Variants in OPHN1 observed in about 807,000 individuals in gnomAD.
OPHN1 encodes the protein oligophrenin-1.
OPHN1 carries 11 observed loss-of-function variants against 60.7 expected under a neutral mutation model. That is an observed-to-expected ratio of 0.18 (90% CI 0.11 to 0.30). The LOEUF is 0.30. Ranked by LOEUF, OPHN1 falls within the 10% of genes least tolerant of loss-of-function variation. The pLI is 1.00. For missense variants in OPHN1, 449 were observed against 611.0 expected, an observed-to-expected ratio of 0.73 and a Z score of 2.80; for synonymous variants, 226 against 222.6, an observed-to-expected ratio of 1.02 and a Z score of -0.14.
chrX:68,403,462 T>C (rs184546809), intron 2 of OPHN1, among the ~76,000 whole-genome samples: 1 of 111,676 alleles, frequency 9.0e-6, no homozygotes, highest in East Asian at 2.8e-4. Context: ...ATATGCCTTC[T>C]TTTTTGGAAT....
chrX:68,205,958 CTGTG>C lies in OPHN1; in HGVS notation c.933+611_933+614del, dbSNP rs1366672382. ...TCTTAAGGAACCCCCATGTGTGTAT[CTGTG>C]TGTGTGAGTGTGTGTGAGTGTGTGT... On this transcript the variant is annotated intron_variant, in intron 10 of 24. Coordinates refer to ENST00000355520, the MANE Select transcript of OPHN1 (RefSeq NM_002547.3). 6.2e-5 allele frequency among the ~76,000 whole-genome samples: 4 copies of C among 64,663 alleles called. No individual in the cohort carries two copies. In the East Asian group the frequency reaches 2.5e-3, roughly 41 times the overall value. The allele number at this position is 64,663 out of a possible 115,157, so 56.2% of individuals were successfully genotyped here.
intron 2 of OPHN1, among the ~76,000 whole-genome samples, chrX:68,381,433 G>A (rs1176732408): frequency 8.9e-6 from 1 of 111,906 alleles, no homozygotes; most frequent in Non-Finnish European, 1.9e-5. Context: ...CTCAACAAAT[G>A]TCTGTTAAAC....
At chrX:68,191,348 A>C (rs2077487119) in intron 15 of OPHN1, among the ~76,000 whole-genome samples, 1 of 111,911 alleles carries the variant, frequency 8.9e-6, no homozygotes, top group African/African-American at 3.2e-5. Flanking sequence ...GATATGTGCC[A>C]TGACCTTAAT....
In OPHN1 at chrX:68,064,911, C is replaced by T. The variant is rs145789320; in HGVS notation, c.1835-734G>A. On this transcript the variant is annotated intron_variant, in intron 20 of 24. Transcript: ENST00000355520. ...CACCTTCCATAGTCATAAAAAACTT[C>T]GAGTGCAGTGGTTAAGAACAGAGGT... Among the ~76,000 whole-genome samples, 319 of 111,612 alleles carry T rather than the reference C, an allele frequency of 2.9e-3. 13 individuals carry two copies. The East Asian group carries it at 0.08, about 28-fold the overall frequency.
At chrX:68,134,696 TGGCA>T (rs1301535534) in intron 15 of OPHN1, among the ~76,000 whole-genome samples, 2 of 109,937 alleles carry the variant, frequency 1.8e-5, no homozygotes, top group Non-Finnish European at 1.9e-5. Context: ...GGCCAGGCCC[TGGCA>T]GCACTGCTAC....
intron 19 of OPHN1, among the ~76,000 whole-genome samples, chrX:68,077,066 G>A (rs2076956437): frequency 9.0e-6 from 1 of 110,891 alleles, no homozygotes; most frequent in Non-Finnish European, 1.9e-5. Context: ...GACATACAAA[G>A]GAAAAGAAAA....
chrX:68,366,112 G>T (rs1485721637), intron 2 of OPHN1, among the ~76,000 whole-genome samples: 2 of 109,133 alleles, frequency 1.8e-5, no homozygotes, highest in Non-Finnish European at 3.8e-5. Context: ...AGAGACTGGG[G>T]CCCCAGTCTC....
intron 2 of OPHN1, among the ~76,000 whole-genome samples, chrX:68,402,105 C>T (rs192382797): frequency 1.2e-4 from 13 of 111,047 alleles, no homozygotes; most frequent in South Asian, 3.8e-4. Context: ...TAGAAGTTGG[C>T]GGCTAGTGTT....
At chrX:68,137,656 A>G (rs1308581165) in intron 15 of OPHN1, among the ~76,000 whole-genome samples, 2 of 111,950 alleles carry the variant, frequency 1.8e-5, no homozygotes, top group Non-Finnish European at 3.8e-5. Flanking sequence ...CTAGTTGGGC[A>G]TGTATGTATG....
chrX:68,343,274 C>CAAA (rs368144274), intron 2 of OPHN1, among the ~76,000 whole-genome samples: 10 of 62,632 alleles, frequency 1.6e-4, no homozygotes, highest in African/African-American at 4.8e-4. Context: ...AGCTCTGTCT[C>CAAA]AAAAAAAAAA....
At chrX:68,250,461 A>G (rs186123826) in intron 5 of OPHN1, among the ~76,000 whole-genome samples, 57 of 111,406 alleles carry the variant, frequency 5.1e-4, no homozygotes, top group African/African-American at 1.7e-3. Flanking sequence ...TCACAGAACT[A>G]GTAAGTAGCA....
intron 2 of OPHN1, among the ~76,000 whole-genome samples, chrX:68,327,825 C>CT (rs1230764935): frequency 0.011 from 905 of 84,475 alleles, 14 homozygotes; most frequent in Non-Finnish European, 0.016. Flanking sequence ...AAATTTTAAA[C>CT]TTTTTTTTTT....
At chrX:68,172,673 A>G (rs1204958886) in intron 15 of OPHN1, among the ~76,000 whole-genome samples, 1 of 111,616 alleles carries the variant, frequency 9.0e-6, no homozygotes, top group Non-Finnish European at 1.9e-5. Flanking sequence ...ACCTTGATCC[A>G]GCAATCTCAA....
At chrX:68,424,035 C>T (rs943438204) in intron 2 of OPHN1, among the ~76,000 whole-genome samples, 1 of 110,311 alleles carries the variant, frequency 9.1e-6, no homozygotes, top group Non-Finnish European at 1.9e-5. Context: ...GGCGTGGTGG[C>T]GGACACCTAT....
At chrX:68,133,005 C>T in intron 15 of OPHN1, 1 of 477,401 alleles carries the variant, frequency 2.1e-6, no homozygotes, top group African/African-American at 2.3e-5. Context: ...AAGCCGCCGC[C>T]GCTTCAGACG....
At chrX:68,334,906 G>A (rs1436183201) in intron 2 of OPHN1, among the ~76,000 whole-genome samples, 1 of 110,022 alleles carries the variant, frequency 9.1e-6, no homozygotes, top group Non-Finnish European at 1.9e-5. Flanking sequence ...AGCCCAGGAT[G>A]CAGAGGTTGC....
intron 2 of OPHN1, among the ~76,000 whole-genome samples, chrX:68,343,412 G>A (rs941060862): frequency 1.8e-5 from 2 of 109,808 alleles, no homozygotes; most frequent in African/African-American, 3.3e-5. Context: ...GTGAAACACC[G>A]TCTCTACTAA....
intron 15 of OPHN1, among the ~76,000 whole-genome samples, chrX:68,166,229 T>G (rs2077357705): frequency 8.9e-6 from 1 of 112,336 alleles, no homozygotes; most frequent in African/African-American, 3.2e-5. Flanking sequence ...ATTCAAAACT[T>G]TCACACCTAA....
intron 21 of OPHN1, among the ~76,000 whole-genome samples, chrX:68,058,735 C>T (rs746522257): frequency 9.0e-6 from 1 of 111,591 alleles, no homozygotes; most frequent in South Asian, 3.8e-4. Context: ...CTTTGTATAC[C>T]TAATCTAATT....
Sources: gnomAD v4.1 joint callset for allele counts (sites outside exome capture counted in the v4.1 genomes callset) on GRCh38, gnomAD v4.1.1 for gene constraint, MANE v1.5 for transcripts, NCBI Gene and HGNC (gene_info 2026-07-23, HGNC 2026-07-21) for gene names.